The following KCNQ5 variants were observed in gnomAD, a reference collection of about 807,000 sequenced individuals.
KCNQ5 encodes potassium voltage-gated channel subfamily Q member 5.
A neutral mutation model predicts 98.2 loss-of-function variants in KCNQ5; 30 were observed. That is an observed-to-expected ratio of 0.31 (90% confidence interval 0.23 to 0.41). The LOEUF is 0.41. KCNQ5 is among the 10% of genes least tolerant of loss of function. KCNQ5 has a pLI of 1.00. For synonymous variants in KCNQ5, 458 were observed against 449.4 expected (o/e 1.02, Z -0.24); for missense variants, 835 against 1,182.5 (o/e 0.71, Z 4.31).
intron 1 of KCNQ5, among the ~76,000 whole-genome samples, chr6:72,953,487 A>G (rs1766902954): frequency 6.6e-6 from 1 of 152,212 alleles, no homozygotes; most frequent in African/African-American, 2.4e-5. Flanking sequence ...TGAAACAACA[A>G]TTATACTTAA....
At chr6:72,920,589 C>T (rs1324676330) in intron 1 of KCNQ5, among the ~76,000 whole-genome samples, 3 of 152,138 alleles carry the variant, frequency 2.0e-5, no homozygotes, top group African/African-American at 2.4e-5. Flanking sequence ...AAACTCAAAC[C>T]TTTAACATTT....
chr6:73,076,178 A>G lies in KCNQ5; in HGVS notation c.617-1144A>G, dbSNP rs375861419. ...TCAGAAGATCTTCTCAGTCCACACC[A>G]GGAGACCAGACCTTTCTCAGTGCAG... On this transcript the variant is annotated intron_variant, in intron 3 of 13. Coordinates refer to ENST00000370398, the MANE Select transcript of KCNQ5 (RefSeq NM_019842.4). Among the ~76,000 whole-genome samples the G allele has an allele frequency of 4.6e-5, 7 of 152,350 alleles. No homozygotes were observed. In the East Asian group the frequency reaches 9.6e-4, roughly 21 times the overall value.
intron 3 of KCNQ5, among the ~76,000 whole-genome samples, chr6:73,074,601 T>C (rs539521270): frequency 6.6e-6 from 1 of 152,354 alleles, no homozygotes; most frequent in South Asian, 2.1e-4. Flanking sequence ...TAGCATACTT[T>C]TTGTGCTGTA....
intron 1 of KCNQ5, among the ~76,000 whole-genome samples, chr6:72,764,270 A>C (rs956903592): frequency 5.3e-5 from 8 of 152,008 alleles, no homozygotes; most frequent in Admixed American, 2.0e-4. Flanking sequence ...ACCAACCAAC[A>C]AACAAACTGT....
At chr6:73,186,775 G>A (rs758245757) in intron 11 of KCNQ5, among the ~76,000 whole-genome samples, 1 of 152,088 alleles carries the variant, frequency 6.6e-6, no homozygotes, top group African/African-American at 2.4e-5. Context: ...AGTAACAGCT[G>A]TATTTAATAA....
intron 1 of KCNQ5, among the ~76,000 whole-genome samples, chr6:72,659,641 A>ATTAGGAAGG (rs1766406783): frequency 6.6e-6 from 1 of 152,132 alleles, no homozygotes; most frequent in Admixed American, 6.5e-5. Context: ...ATGGAAGGGC[A>ATTAGGAAGG]AAAAAGGGAT....
At chr6:72,984,924 A>AAGTC (rs1313853282) in intron 1 of KCNQ5, among the ~76,000 whole-genome samples, 7 of 152,212 alleles carry the variant, frequency 4.6e-5, no homozygotes, top group African/African-American at 1.7e-4. Flanking sequence ...GAAAAGCAAG[A>AAGTC]AGTCAGGCAC....
At chr6:72,695,507 T>C (rs1057401150) in intron 1 of KCNQ5, among the ~76,000 whole-genome samples, 1 of 152,146 alleles carries the variant, frequency 6.6e-6, no homozygotes, top group African/African-American at 2.4e-5. Flanking sequence ...CTCCATCCCA[T>C]TCACCTCTTT....
intron 1 of KCNQ5, among the ~76,000 whole-genome samples, chr6:72,889,393 T>C (rs1215938194): frequency 6.6e-6 from 1 of 152,206 alleles, no homozygotes; most frequent in Non-Finnish European, 1.5e-5. Flanking sequence ...ATATAACTGA[T>C]GCATTTATAG....
chr6:72,986,894 A>G, intron 1 of KCNQ5: 1 of 864,450 alleles, frequency 1.2e-6, no homozygotes, highest in Non-Finnish European at 1.9e-6. Context: ...TGCTGCGGAC[A>G]CTTGCTCAGT....
intron 1 of KCNQ5, among the ~76,000 whole-genome samples, chr6:72,927,780 A>C (rs1396358381): frequency 6.6e-6 from 1 of 152,066 alleles, no homozygotes; most frequent in Non-Finnish European, 1.5e-5. Context: ...TTAATTAAGC[A>C]TATTGGTATA....
chr6:73,035,652 A>C (rs1347546257), intron 2 of KCNQ5, among the ~76,000 whole-genome samples: 1 of 152,182 alleles, frequency 6.6e-6, no homozygotes, highest in Non-Finnish European at 1.5e-5. Flanking sequence ...AAACAATGAG[A>C]CCTCATCCAA....
At chr6:72,793,152 T>A (rs942561199) in intron 1 of KCNQ5, among the ~76,000 whole-genome samples, 2 of 152,260 alleles carry the variant, frequency 1.3e-5, no homozygotes, top group African/African-American at 4.8e-5. Context: ...AAAAGCCTGT[T>A]TGTAATCATC....
chr6:72,883,284 C>T (rs1166787267), intron 1 of KCNQ5, among the ~76,000 whole-genome samples: 1 of 152,076 alleles, frequency 6.6e-6, no homozygotes, highest in Non-Finnish European at 1.5e-5. Context: ...GTAGTTGATG[C>T]CTCCTGTTCT....
intron 1 of KCNQ5, among the ~76,000 whole-genome samples, chr6:72,741,656 A>G (rs1425820594): frequency 6.6e-6 from 1 of 152,130 alleles, no homozygotes; most frequent in Non-Finnish European, 1.5e-5. Context: ...CATACCTTAG[A>G]TGATGTTATT....
chr6:73,047,889 C>A (rs1772042469), intron 3 of KCNQ5, among the ~76,000 whole-genome samples: 1 of 152,078 alleles, frequency 6.6e-6, no homozygotes, highest in African/African-American at 2.4e-5. Context: ...TGAAGTAGTC[C>A]TAGAAAGAAG....
chr6:72,851,912 T>C (rs1777275526), intron 1 of KCNQ5, among the ~76,000 whole-genome samples: 1 of 152,130 alleles, frequency 6.6e-6, no homozygotes, highest in African/African-American at 2.4e-5. Flanking sequence ...TTGATATCAA[T>C]AAATTTCACC....
chr6:72,781,255 G>T (rs929096843), intron 1 of KCNQ5, among the ~76,000 whole-genome samples: 2 of 152,130 alleles, frequency 1.3e-5, no homozygotes, highest in Admixed American at 6.6e-5. Flanking sequence ...GGATTGCCAG[G>T]ACCCACCAGA....
Position 72,958,421 on chromosome 6 carries a change from T to C in KCNQ5, c.399-45487T>C, listed in dbSNP as rs181690760. 2.6e-4 allele frequency among the ~76,000 whole-genome samples: 40 copies of C among 152,344 alleles called. 1 individual carries two copies. The highest frequency in any genetic ancestry group is 2.2e-3 in the Admixed American group (33 of 15,306). ...TGTGAGGTTTAATATCCTGCCTGTC[T>C]AGCCCCAGACACCCATTCTACACAT... On this transcript the variant is annotated intron_variant, in intron 1 of 13. Coordinates refer to ENST00000370398, the MANE Select transcript of KCNQ5 (RefSeq NM_019842.4).
Sources: gnomAD v4.1 joint callset for allele counts (sites outside exome capture counted in the v4.1 genomes callset) on GRCh38, gnomAD v4.1.1 for gene constraint, MANE v1.5 for transcripts, NCBI Gene and HGNC (gene_info 2026-07-23, HGNC 2026-07-21) for gene names.